The following SORCS1 variants were observed in gnomAD, a reference collection of about 807,000 sequenced individuals.
SORCS1 encodes sortilin related VPS10 domain containing receptor 1, also known as VPS10 domain-containing receptor SorCS1.
SORCS1 carries 60 observed loss-of-function variants against 146.1 expected under a neutral mutation model. The ratio of observed to expected loss-of-function variants is 0.41; its 90% CI spans 0.33 to 0.51. The LOEUF is 0.51. SORCS1 is among the 20% of genes least tolerant of loss of function. The pLI is 0.21. For synonymous variants in SORCS1, 637 were observed against 584.0 expected, an observed-to-expected ratio of 1.09 and a Z score of -1.31; for missense variants, 1,352 against 1,487.6, an observed-to-expected ratio of 0.91 and a Z score of 1.50.
intron 1 of SORCS1, among the ~76,000 whole-genome samples, chr10:107,146,649 C>T (rs918443710): frequency 6.6e-6 from 1 of 152,080 alleles, no homozygotes; most frequent in Non-Finnish European, 1.5e-5. Context: ...TATGTCATAG[C>T]GTCCTAAACG....
chr10:106,935,899 AT>A (rs1268790922), intron 2 of SORCS1, among the ~76,000 whole-genome samples: 1 of 152,200 alleles, frequency 6.6e-6, no homozygotes, highest in Non-Finnish European at 1.5e-5. Context: ...AGGTGAAGCT[AT>A]TTCAATTTGC....
At chr10:106,828,050 C>T (rs1405464205) in intron 3 of SORCS1, among the ~76,000 whole-genome samples, 1 of 152,170 alleles carries the variant, frequency 6.6e-6, no homozygotes, top group African/African-American at 2.4e-5. Flanking sequence ...CTGTGCTAAG[C>T]ACCTGAAATG....
chr10:106,975,122 C>G (rs1365900679), intron 1 of SORCS1, among the ~76,000 whole-genome samples: 2 of 152,178 alleles, frequency 1.3e-5, no homozygotes, highest in East Asian at 3.9e-4. Context: ...CAGGGAGTTT[C>G]TCAATTATCT....
intron 1 of SORCS1, among the ~76,000 whole-genome samples, chr10:107,142,324 C>A (rs910265299): frequency 6.6e-6 from 1 of 152,146 alleles, no homozygotes; most frequent in Non-Finnish European, 1.5e-5. Context: ...TTTTGTGGCA[C>A]AGAGAACCCG....
intron 22 of SORCS1, among the ~76,000 whole-genome samples, chr10:106,608,639 C>T (rs1387547090): frequency 6.6e-6 from 1 of 152,116 alleles, no homozygotes; most frequent in South Asian, 2.1e-4. Context: ...CAACAACAAC[C>T]CTTTGAAGCA....
At chr10:106,777,325 C>A (rs762734538) in intron 3 of SORCS1, among the ~76,000 whole-genome samples, 18 of 152,192 alleles carry the variant, frequency 1.2e-4, no homozygotes, top group Non-Finnish European at 4.4e-5. Context: ...GTCTATATAA[C>A]CTCTACTAAA....
intron 1 of SORCS1, among the ~76,000 whole-genome samples, chr10:107,081,904 TTC>T (rs1310827836): frequency 6.6e-6 from 1 of 152,060 alleles, no homozygotes; most frequent in Non-Finnish European, 1.5e-5. Context: ...GCTAGAAAAA[TTC>T]TCTCTTTGTC....
intron 1 of SORCS1, among the ~76,000 whole-genome samples, chr10:107,024,731 C>G (rs1958320285): frequency 6.6e-6 from 1 of 152,066 alleles, no homozygotes; most frequent in Non-Finnish European, 1.5e-5. Context: ...CCATTTTCTC[C>G]CCTTATTTTT....
At chr10:106,581,517 G>A (rs945727719) in intron 24 of SORCS1, among the ~76,000 whole-genome samples, 5 of 151,958 alleles carry the variant, frequency 3.3e-5, no homozygotes, top group Non-Finnish European at 7.4e-5. Flanking sequence ...AATCATGTAC[G>A]CTTACGTTTG....
At chr10:106,713,737 C>T (rs1855161937) in intron 6 of SORCS1, among the ~76,000 whole-genome samples, 1 of 152,178 alleles carries the variant, frequency 6.6e-6, no homozygotes, top group Admixed American at 6.5e-5. Flanking sequence ...CGTGGTTAGA[C>T]TGACTCCAAC....
intron 1 of SORCS1, among the ~76,000 whole-genome samples, chr10:107,010,310 T>C (rs926181107): frequency 1.3e-5 from 2 of 152,216 alleles, no homozygotes; most frequent in African/African-American, 4.8e-5. Context: ...GAAAACCCAC[T>C]GGGCCAGAAA....
At chr10:106,688,128 C>T in intron 10 of SORCS1, 64 bp downstream of exon 10, 2 of 1,565,528 alleles carry the variant, frequency 1.3e-6, no homozygotes, top group East Asian at 2.3e-5. Flanking sequence ...TCCTCACCCT[C>T]TGTTAAATAT....
intron 23 of SORCS1, among the ~76,000 whole-genome samples, chr10:106,606,762 G>A (rs1445668346): frequency 6.6e-6 from 1 of 152,088 alleles, no homozygotes; most frequent in Non-Finnish European, 1.5e-5. Context: ...TGAATCATGG[G>A]GGCAGTTACC....
At chr10:106,603,267 C>T (rs1846363181) in intron 23 of SORCS1, among the ~76,000 whole-genome samples, 1 of 152,118 alleles carries the variant, frequency 6.6e-6, no homozygotes, top group Admixed American at 6.5e-5. Context: ...AAGCAGCTGG[C>T]CTCAGGACAG....
intron 19 of SORCS1, among the ~76,000 whole-genome samples, chr10:106,625,203 T>TGC (rs1313334827): frequency 2.4e-5 from 1 of 42,110 alleles, no homozygotes; most frequent in East Asian, 1.8e-3. Flanking sequence ...TGTGATTCTG[T>TGC]GTGTGTGTGT....
chr10:106,593,295 T>C (rs1192838172), intron 24 of SORCS1, among the ~76,000 whole-genome samples: 1 of 152,080 alleles, frequency 6.6e-6, no homozygotes. Context: ...TTTTTTCTTT[T>C]AATCAGGTAG....
At chr10:106,611,879 C>T in intron 22 of SORCS1, 32 bp downstream of exon 22, 1 of 1,510,770 alleles carries the variant, frequency 6.6e-7, no homozygotes, top group Non-Finnish European at 9.2e-7. Context: ...AGAAAAGGTA[C>T]CCGGGCAAGA....
At chr10:106,893,261 C>G (rs984034961) in intron 2 of SORCS1, among the ~76,000 whole-genome samples, 4 of 152,098 alleles carry the variant, frequency 2.6e-5, no homozygotes, top group African/African-American at 4.8e-5. Flanking sequence ...GGCTTTTGGT[C>G]ACCTTCAATA....
At chr10:106,600,184 T>G (rs1226190206) in intron 23 of SORCS1, 2 of 350,198 alleles carry the variant, frequency 5.7e-6, no homozygotes, top group South Asian at 2.4e-4. Context: ...AATAACATAT[T>G]TTTAATTTAT....
Sources: gnomAD v4.1 joint callset for allele counts (sites outside exome capture counted in the v4.1 genomes callset) on GRCh38, gnomAD v4.1.1 for gene constraint, MANE v1.5 for transcripts, NCBI Gene and HGNC (gene_info 2026-07-23, HGNC 2026-07-21) for gene names.